The following NALF1 variants were observed in gnomAD, a reference collection of about 807,000 sequenced individuals.
NALF1 encodes the protein NALCN channel auxiliary factor 1, also known as family with sequence similarity 155 member A.
Under a neutral mutation model 48.4 loss-of-function variants are expected in NALF1, and 3 were observed. The observed-to-expected ratio is 0.06, with a 90% CI of 0.03 to 0.16. The LOEUF (loss-of-function observed/expected upper bound fraction) is 0.16, where lower values mean the gene tolerates loss of function less well. NALF1 is among the 10% of genes least tolerant of loss of function. The pLI is 1.00. For synonymous variants in NALF1, 262 were observed against 245.7 expected (o/e 1.07, Z -0.62); for missense variants, 526 against 571.5 (o/e 0.92, Z 0.81).
At chr13:107,476,821 A>G (rs1012698274) in intron 1 of NALF1, among the ~76,000 whole-genome samples, 1 of 152,120 alleles carries the variant, frequency 6.6e-6, no homozygotes, top group Non-Finnish European at 1.5e-5. Context: ...TGCTGGGTCA[A>G]TTAATACAAG....
At chr13:107,608,581 T>C (rs1879135772) in intron 1 of NALF1, among the ~76,000 whole-genome samples, 1 of 152,220 alleles carries the variant, frequency 6.6e-6, no homozygotes, top group Non-Finnish European at 1.5e-5. Flanking sequence ...AGTAGCTTCC[T>C]GATTGGGTGG....
At chr13:107,780,692 G>C (rs1877863167) in intron 1 of NALF1, among the ~76,000 whole-genome samples, 1 of 152,008 alleles carries the variant, frequency 6.6e-6, no homozygotes, top group South Asian at 2.1e-4. Context: ...AGCACTTTGG[G>C]ATGCCGAGGC....
chr13:107,689,055 C>T (rs1156402518), intron 1 of NALF1, among the ~76,000 whole-genome samples: 1 of 152,184 alleles, frequency 6.6e-6, no homozygotes, highest in African/African-American at 2.4e-5. Flanking sequence ...ATGGACTGGA[C>T]AGGAAGGCTG....
At chr13:107,191,451 A>C (rs1372537410) in intron 2 of NALF1, among the ~76,000 whole-genome samples, 2 of 152,166 alleles carry the variant, frequency 1.3e-5, no homozygotes, top group African/African-American at 2.4e-5. Context: ...ATTACATTTT[A>C]TTTCAAAAAA....
chr13:107,712,632 G>A (rs963455275), intron 1 of NALF1, among the ~76,000 whole-genome samples: 3 of 152,144 alleles, frequency 2.0e-5, no homozygotes, highest in Non-Finnish European at 4.4e-5. Context: ...GCTTCGTTTC[G>A]GGGAGAATGA....
chr13:107,447,450 C>T (rs1884669117), intron 1 of NALF1, among the ~76,000 whole-genome samples: 1 of 152,148 alleles, frequency 6.6e-6, no homozygotes, highest in Non-Finnish European at 1.5e-5. Context: ...ATTTCTTTTA[C>T]TAGGTGATAA....
At chr13:107,768,605 A>G (rs1265665430) in intron 1 of NALF1, among the ~76,000 whole-genome samples, 1 of 152,198 alleles carries the variant, frequency 6.6e-6, no homozygotes, top group Non-Finnish European at 1.5e-5. Flanking sequence ...CATCTTTAAC[A>G]TCTGATAAGC....
intron 1 of NALF1, among the ~76,000 whole-genome samples, chr13:107,622,456 A>AAAC (rs1420827652): frequency 2.2e-5 from 2 of 90,624 alleles, no homozygotes; most frequent in Non-Finnish European, 5.2e-5. Flanking sequence ...ACAAACAAAC[A>AAAC]AACAACAACA....
intron 1 of NALF1, among the ~76,000 whole-genome samples, chr13:107,511,100 C>A (rs928800927): frequency 1.3e-5 from 2 of 152,148 alleles, no homozygotes; most frequent in African/African-American, 4.8e-5. Context: ...ACGCTGGGTT[C>A]CTCTTTGCTG....
chr13:107,734,332 A>G lies in NALF1; in HGVS notation c.915+131350T>C, dbSNP rs981716238. 2.6e-5 allele frequency among the ~76,000 whole-genome samples: 4 copies of G among 152,018 alleles called. No homozygotes were observed. In the East Asian group the frequency reaches 7.7e-4, roughly 29 times the overall value. ...TGAATTCTACAATGTAACTTTGGGA[A>G]AGGTCATCACTAGGGATCATCTGCA... On this transcript the variant is annotated intron_variant, in intron 1 of 2. Transcript: ENST00000375915.
intron 1 of NALF1, among the ~76,000 whole-genome samples, chr13:107,750,393 C>A (rs370641538): frequency 1.3e-5 from 2 of 152,160 alleles, no homozygotes; most frequent in Non-Finnish European, 2.9e-5. Flanking sequence ...CAATGTTTAA[C>A]TCATATTCAA....
At chr13:107,752,778 CAAGT>C (rs1876975267) in intron 1 of NALF1, among the ~76,000 whole-genome samples, 1 of 152,110 alleles carries the variant, frequency 6.6e-6, no homozygotes, top group African/African-American at 2.4e-5. Context: ...GAAGGAAACT[CAAGT>C]AAGTCATTGT....
In NALF1 at chr13:107,326,225, T is replaced by C. The variant is rs950148865; in HGVS notation, c.916-115470A>G. Among the ~76,000 whole-genome samples the C allele has an allele frequency of 3.3e-5, 5 of 152,086 alleles. No individual in the cohort carries two copies. The East Asian group carries it at 9.7e-4, about 30-fold the overall frequency. On this transcript the variant is annotated intron_variant, in intron 1 of 2. Transcript: ENST00000375915. ...TGGAAAAATTAGCATCAGTCACATC[T>C]TAGTGCACCTGAAGCAAAGTTTAAT... is the stretch of plus-strand genomic sequence containing the variant.
rs56380251 is a variant in NALF1, at chr13:107,720,510, CAAAAAAAAAA to C, written c.915+145162_915+145171del. Among the ~76,000 whole-genome samples the C allele has an allele frequency of 1.0e-4, 6 of 59,858 alleles. No individual in the cohort carries two copies. In the Admixed American group the frequency reaches 1.4e-3, roughly 14 times the overall value. 39.3% of individuals were successfully genotyped at this position (59,858 alleles called of 152,430 possible). A position where few individuals can be genotyped will look rare whatever the true frequency, so the allele number is the denominator to read the frequency against. On this transcript the variant is annotated intron_variant, in intron 1 of 2. Coordinates refer to ENST00000375915, the MANE Select transcript of NALF1 (RefSeq NM_001080396.3). ...TGGGCAACAGAGTGAGACTGCATCTCAAAAAAAAAAAAAAAAAAAAAAAGCATATTTCCCA... is the reference window on the plus strand; with the variant it reads ...TGGGCAACAGAGTGAGACTGCATCTCAAAAAAAAAAAAAGCATATTTCCCA...
chr13:107,806,787 T>C (rs1208461872), intron 1 of NALF1, among the ~76,000 whole-genome samples: 1 of 152,220 alleles, frequency 6.6e-6, no homozygotes, highest in African/African-American at 2.4e-5. Flanking sequence ...TTTTAATAGC[T>C]GTTTTGTTTA....
At chr13:107,449,529 A>G (rs1884706539) in intron 1 of NALF1, among the ~76,000 whole-genome samples, 2 of 152,260 alleles carry the variant, frequency 1.3e-5, no homozygotes, top group Non-Finnish European at 2.9e-5. Flanking sequence ...AAAATATAGC[A>G]TGCCTTTTAA....
intron 1 of NALF1, among the ~76,000 whole-genome samples, chr13:107,344,596 T>C (rs1187262312): frequency 1.3e-5 from 2 of 152,162 alleles, no homozygotes. Context: ...CTCCTCTCTA[T>C]GATGCAGAAA....
At position 107,406,082 on chromosome 13, in the gene NALF1, A is replaced by G. The variant is rs373846736; in HGVS notation, c.916-195327T>C. ...ACCACTTCTTGTCTTCTGACTGACA[A>G]GGCTATCCAACCAACCAACACATCA... On this transcript the variant is annotated intron_variant, in intron 1 of 2. Transcript: ENST00000375915. 8.5e-5 allele frequency among the ~76,000 whole-genome samples: 13 copies of G among 152,120 alleles called. No individual in the cohort carries two copies. The South Asian group carries it at 2.7e-3, about 32-fold the overall frequency.
intron 1 of NALF1, among the ~76,000 whole-genome samples, chr13:107,595,971 C>T (rs1316082251): frequency 2.0e-5 from 3 of 151,042 alleles, no homozygotes; most frequent in African/African-American, 2.5e-5. Flanking sequence ...CACTGACATA[C>T]CAAAACAAAA....
Sources: allele counts gnomAD v4.1 joint callset (sites outside exome capture counted in the v4.1 genomes callset), GRCh38; gene constraint gnomAD v4.1.1; transcripts MANE v1.5; gene names NCBI Gene and HGNC (gene_info 2026-07-23, HGNC 2026-07-21).